MARCHF10: variants seen among roughly 807,000 people sequenced by gnomAD.
MARCHF10 encodes membrane associated ring-CH-type finger 10, also known as probable E3 ubiquitin-protein ligase MARCHF10.
A neutral mutation model predicts 76.2 loss-of-function variants in MARCHF10; 64 were observed. That is an observed-to-expected ratio of 0.84 (90% CI 0.69 to 1.03). MARCHF10 has a LOEUF of 1.03. Among genes scored for constraint, MARCHF10 ranks in the 50% least tolerant of loss-of-function variants. The probability of loss-of-function intolerance (pLI) is 0.00; values close to 1 mark genes in which losing one functional copy is unlikely to be tolerated. For synonymous variants in MARCHF10, 340 were observed against 357.5 expected (o/e 0.95, Z 0.55); for missense variants, 875 against 958.0 (o/e 0.91, Z 1.14).
chr17:62,756,780 C>T (rs2092056488), intron 4 of MARCHF10, among the ~76,000 whole-genome samples: 1 of 152,148 alleles, frequency 6.6e-6, no homozygotes, highest in South Asian at 2.1e-4. Context: ...ATAAATGGGG[C>T]CCAGATGCAA....
chr17:62,738,972 G>A lies in MARCHF10; in HGVS notation c.536-1640C>T, dbSNP rs978600772. ...CCATTTTGGGAACAAATGCTTCTAC[G>A]TAAGCAACTGAATTCTCCTGAAAAT... is the stretch of plus-strand genomic sequence containing the variant. On this transcript the variant is annotated intron_variant, in intron 5 of 10. Transcript: ENST00000311269. This position sits in a 1 kb window ranked among gnomAD's most constrained non-coding sequence, Gnocchi z 4.0. Among the ~76,000 whole-genome samples the A allele has an allele frequency of 3.9e-5, 6 of 152,148 alleles. No individual in the cohort carries two copies. The highest frequency in any genetic ancestry group is 5.9e-5 in the Non-Finnish European group (4 of 68,020).
At chr17:62,803,559 G>C (rs1196648824) in intron 1 of MARCHF10, among the ~76,000 whole-genome samples, 1 of 151,734 alleles carries the variant, frequency 6.6e-6, no homozygotes, top group Admixed American at 6.6e-5. Context: ...CTGCTCTGTC[G>C]CCCAGGCTGG....
rs766175033 is a variant in MARCHF10, at chr17:62,747,010, T to A, written c.383-2482A>T. 7 of 1,479,470 alleles carry A rather than the reference T, an allele frequency of 4.7e-6. No individual in the cohort carries two copies. The South Asian group carries it at 8.5e-5, about 18-fold the overall frequency. 91.6% of individuals were successfully genotyped at this position (1,479,470 alleles called of 1,614,324 possible). On this transcript the variant is annotated intron_variant, in intron 4 of 10. Coordinates refer to ENST00000311269, the MANE Select transcript of MARCHF10 (RefSeq NM_152598.4). The stretch of plus-strand genomic sequence containing the variant: ...AAAAAACCCTTACTTTCAGCGTTTT[T>A]AAAAAATGGCCTTTAGTGTTTAAAT...
intron 8 of MARCHF10, among the ~76,000 whole-genome samples, chr17:62,713,652 TAACTC>T (rs916303623): frequency 6.6e-6 from 1 of 152,222 alleles, no homozygotes; most frequent in African/African-American, 2.4e-5. Flanking sequence ...AGGGATTTGT[TAACTC>T]AAAGAGTTCC....
chr17:62,744,146 T>TC (rs917656752), intron 5 of MARCHF10, among the ~76,000 whole-genome samples: 7 of 149,946 alleles, frequency 4.7e-5, no homozygotes, highest in Non-Finnish European at 8.9e-5. Context: ...GAAAAAGATA[T>TC]CCCCCCCGAC....
intron 10 of MARCHF10, among the ~76,000 whole-genome samples, chr17:62,702,886 G>A (rs1396314815): frequency 6.6e-6 from 1 of 152,156 alleles, no homozygotes; most frequent in Non-Finnish European, 1.5e-5. Flanking sequence ...CTGGGTGTTT[G>A]GGGAGGTGCT....
chr17:62,710,549 G>GTT lies in MARCHF10; in HGVS notation c.2328+681_2328+682insAA, dbSNP rs1568093469. On this transcript the variant is annotated intron_variant, in intron 9 of 10. Transcript: ENST00000311269. ...TCTTATGACTAACAGTTTGAACCCA[G>GTT]CTTTTTTTTTTTTTTTTTTTTTTTT... Among the ~76,000 whole-genome samples, 77 of 116,970 alleles carry GTT rather than the reference G, an allele frequency of 6.6e-4. 1 individual carries two copies. Among genetic ancestry groups the GTT allele is most frequent in the African/African-American group, 2.8e-3 (77 of 27,644 alleles). 76.7% of individuals were successfully genotyped at this position (116,970 alleles called of 152,430 possible).
At chr17:62,788,624 T>A in intron 2 of MARCHF10, 25 bp from the exon 3 acceptor site, 1 of 1,613,376 alleles carries the variant, frequency 6.2e-7, no homozygotes, top group Non-Finnish European at 8.5e-7. Context: ...CAATAAAATG[T>A]TTGTCTTAGG....
chr17:62,806,186 CTCAG>C (rs764039535), intron 1 of MARCHF10, among the ~76,000 whole-genome samples: 1 of 152,150 alleles, frequency 6.6e-6, no homozygotes, highest in Admixed American at 6.5e-5. Flanking sequence ...TCATACTGCA[CTCAG>C]TCAGTTTGAA....
chr17:62,720,863 T>TTG, intron 8 of MARCHF10, among the ~76,000 whole-genome samples: 1 of 132,690 alleles, frequency 7.5e-6, no homozygotes, highest in South Asian at 2.4e-4. Context: ...AGTTGTGATT[T>TTG]TTTTTTTTTT....
intron 10 of MARCHF10, 52 bp from the exon 11 acceptor site, chr17:62,701,810 C>A: frequency 6.2e-7 from 1 of 1,611,652 alleles, no homozygotes; most frequent in South Asian, 1.1e-5. Context: ...GACCGTGGGT[C>A]TGTTACAGGG....
Position 62,711,216 on chromosome 17 carries a change from C to G in MARCHF10, c.2328+15G>C, listed in dbSNP as rs1396448413. 6.2e-7 allele frequency: 1 copy of G among 1,611,222 alleles called. No individual in the cohort carries two copies. Among genetic ancestry groups the G allele is most frequent in the Admixed American group, 1.7e-5 (1 of 60,008 alleles). ...GGGCTGCCACCGGACAGCTCTGGGT[C>G]ACAGCCAGACTTACCCTCTCTCTTT... On this transcript the variant is annotated intron_variant, in intron 9 of 10. Transcript: ENST00000311269. The surrounding 1 kb of genome is among the most constrained non-coding windows in gnomAD (Gnocchi z 4.4).
In MARCHF10 at chr17:62,736,190, T is replaced by C. The variant is rs148112898; in HGVS notation, c.1678A>G (p.Thr560Ala). ...CCCTGTGGATTTAGTAAGAGATCTGTATATAGTGGAGCCCCCTGAGGCTGG... is the reference window on the plus strand; with the variant it reads ...CCCTGTGGATTTAGTAAGAGATCTGCATATAGTGGAGCCCCCTGAGGCTGG... Reference protein sequence around the residue: ...TSQPQGAPLYTDLLLNPQGNL... With the variant: ...TSQPQGAPLYADLLLNPQGNL... The change falls in exon 6 of 11, where the codon ACA (threonine) becomes GCA (alanine). Residue 560 changes from threonine to alanine, a missense_variant. Coordinates refer to ENST00000311269, the MANE Select transcript of MARCHF10 (RefSeq NM_152598.4). 432 of 1,614,218 alleles carry C rather than the reference T, an allele frequency of 2.7e-4. No homozygotes were observed. In the African/African-American group the frequency reaches 5.2e-3, roughly 20 times the overall value.
At chr17:62,775,081 C>CA (rs2092523557) in intron 3 of MARCHF10, among the ~76,000 whole-genome samples, 2 of 150,224 alleles carry the variant, frequency 1.3e-5, no homozygotes, top group South Asian at 2.1e-4. Flanking sequence ...CAAAAACAAA[C>CA]AAAAAAACTG....
chr17:62,805,621 A>G (rs140220601), intron 1 of MARCHF10, among the ~76,000 whole-genome samples: 92 of 152,316 alleles, frequency 6.0e-4, no homozygotes, highest in African/African-American at 2.1e-3. Context: ...TGACTTCACA[A>G]TCACCTACCA....
chr17:62,773,023 A>G (rs1297480570), intron 3 of MARCHF10, among the ~76,000 whole-genome samples: 1 of 152,194 alleles, frequency 6.6e-6, no homozygotes, highest in Non-Finnish European at 1.5e-5. Flanking sequence ...TATGTTTTTG[A>G]AAATATTACT....
chr17:62,787,673 G>A (rs912112254), intron 3 of MARCHF10, among the ~76,000 whole-genome samples: 66 of 152,248 alleles, frequency 4.3e-4, no homozygotes, highest in African/African-American at 1.5e-3. Context: ...CGCACTGGCT[G>A]TGAAATCTTA....
At chr17:62,742,235 G>A (rs775251913) in intron 5 of MARCHF10, among the ~76,000 whole-genome samples, 1 of 149,770 alleles carries the variant, frequency 6.7e-6, no homozygotes, top group Non-Finnish European at 1.5e-5. Context: ...GGCCAGGCTG[G>A]TCTTGAACTC....
At chr17:62,739,079 A>G (rs1420137791) in intron 5 of MARCHF10, among the ~76,000 whole-genome samples, 1 of 152,180 alleles carries the variant, frequency 6.6e-6, no homozygotes, top group African/African-American at 2.4e-5. Context: ...TGGGCAGATC[A>G]CTTAAGGTCA....
Sources: gnomAD v4.1 joint callset for allele counts (sites outside exome capture counted in the v4.1 genomes callset) on GRCh38, gnomAD v4.1.1 for gene constraint, Gnocchi (gnomAD v3.1) non-coding constraint, MANE v1.5 for transcripts, NCBI Gene and HGNC (gene_info 2026-07-23, HGNC 2026-07-21) for gene names.